S100A12: variants seen among roughly 807,000 people sequenced by gnomAD.
The protein encoded by S100A12 is S100 calcium binding protein A12.
S100A12 carries 3 observed loss-of-function variants against 4.0 expected under a neutral mutation model. The ratio of observed to expected loss-of-function variants is 0.75; its 90% CI spans 0.34 to 1.94. The LOEUF (loss-of-function observed/expected upper bound fraction) is 1.94, where lower values mean the gene tolerates loss of function less well. Among genes scored for constraint, S100A12 ranks in the 30% most tolerant of loss-of-function variants. The pLI, the probability that S100A12 is intolerant of heterozygous loss-of-function variation, is 0.07. For missense variants in S100A12, 122 were observed against 107.0 expected (o/e 1.14, Z -0.62); for synonymous variants, 50 against 41.4 (o/e 1.21, Z -0.79).
Position 153,373,950 on chromosome 1 carries a change from A to C in S100A12, c.156T>G (p.Ala52=). ...ANTIKNIKDK[A]VIDEIFQGLD... ...GGCCTTGGAATATTTCATCAATGAC[A>C]GCTTTATCTTTGATATTCTAGGAAA... is the stretch of plus-strand genomic sequence containing the variant. Residue 52 remains alanine (A), a synonymous_variant, in exon 3 of 3, where the codon GCT becomes GCG. Transcript: ENST00000368737. 2 of 1,613,800 alleles carry C rather than the reference A, an allele frequency of 1.2e-6. No individual in the cohort carries two copies. Among genetic ancestry groups the C allele is most frequent in the South Asian group, 2.2e-5 (2 of 91,072 alleles).
Position 153,374,544 on chromosome 1 carries a change from G to T in S100A12, c.49C>A (p.Gln17Lys), listed in dbSNP as rs751247214. The T allele has an allele frequency of 1.7e-5, 28 of 1,613,314 alleles. No individual in the cohort carries two copies. The South Asian group carries it at 2.5e-4, about 15-fold the overall frequency. ...HLEGIVNIFH[Q>K]YSVRKGHFDT... ...AAATGCCCCTTCCGAACTGAGTATT[G>T]GTGGAAGATATTGACAATTCCCTCC... is the stretch of plus-strand genomic sequence containing the variant. The change falls in exon 2 of 3, where the codon CAA (glutamine) becomes AAA (lysine). Residue 17 changes from glutamine to lysine, a missense_variant. Coordinates refer to ENST00000368737, the MANE Select transcript of S100A12 (RefSeq NM_005621.2).
Position 153,374,482 on chromosome 1 carries a change from A to C in S100A12, c.111T>G (p.Leu37=), listed in dbSNP as rs1661684874. The change falls in exon 2 of 3, where the codon CTT becomes CTG. Residue 37 remains leucine (L), a synonymous_variant. Coordinates refer to ENST00000368737, the MANE Select transcript of S100A12 (RefSeq NM_005621.2). ...TLSKGELKQL[L]TKELANTIKN... Reference sequence around the variant, plus strand: ...TGATGGTGTTTGCAAGCTCCTTTGTAAGCAGCTGCTTCAGCTCACCCTTAG... The same window carrying C: ...TGATGGTGTTTGCAAGCTCCTTTGTCAGCAGCTGCTTCAGCTCACCCTTAG... The C allele has an allele frequency of 1.9e-6, 3 of 1,613,884 alleles. No homozygotes were observed. Among genetic ancestry groups the C allele is most frequent in the African/African-American group, 1.3e-5 (1 of 74,906 alleles).
In S100A12 at chr1:153,373,932, G is replaced by A. The variant is rs777515393; in HGVS notation, c.174C>T (p.Phe58=). 5 of 1,613,226 alleles carry A rather than the reference G, an allele frequency of 3.1e-6. No individual in the cohort carries two copies. The African/African-American group carries it at 4.0e-5, about 13-fold the overall frequency. Residue 58 remains phenylalanine, a synonymous_variant, in exon 3 of 3, where the codon TTC becomes TTT. Coordinates refer to ENST00000368737, the MANE Select transcript of S100A12 (RefSeq NM_005621.2). Reference sequence around the variant, plus strand: ...CATCTTGATTAGCATCCAGGCCTTGGAATATTTCATCAATGACAGCTTTAT... The same window carrying A: ...CATCTTGATTAGCATCCAGGCCTTGAAATATTTCATCAATGACAGCTTTAT... ...IKDKAVIDEI[F]QGLDANQDEQ... is the part of the protein sequence containing the mutation.
In S100A12 at chr1:153,375,390, C is replaced by A. The variant is rs542171585; in HGVS notation, c.-21+162G>T. 1.1e-3 allele frequency among the ~76,000 whole-genome samples: 168 copies of A among 152,294 alleles called. 1 individual carries two copies. Among genetic ancestry groups the A allele is most frequent in the African/African-American group, 4.0e-3 (168 of 41,564 alleles). On this transcript the variant is annotated intron_variant, in intron 1 of 2. Transcript: ENST00000368737. ...ATCATGGGACTGAGTCTACATAGCA[C>A]AACAAGAGCTGATCTACTTGGGTCC...
chr1:153,373,931 G>A lies in S100A12; in HGVS notation c.175C>T (p.Gln59Ter), dbSNP rs371295686. ...TCATCTTGATTAGCATCCAGGCCTT[G>A]GAATATTTCATCAATGACAGCTTTA... The part of the protein sequence containing the change: ...KDKAVIDEIF[Q>*]GLDANQDEQV... Residue 59 changes from glutamine (Q) to a stop codon, truncating the protein, a stop_gained, in exon 3 of 3, where the codon CAA becomes TAA. Coordinates refer to ENST00000368737, the MANE Select transcript of S100A12 (RefSeq NM_005621.2). LOFTEE classifies it low-confidence loss of function (END_TRUNC). The A allele has an allele frequency of 3.7e-6, 6 of 1,613,246 alleles. No homozygotes were observed. The highest frequency in any genetic ancestry group is 5.1e-6 in the Non-Finnish European group (6 of 1,179,184).
intron 2 of S100A12, 50 bp from the exon 3 acceptor site, chr1:153,374,017 A>T: frequency 1.9e-6 from 3 of 1,584,812 alleles, no homozygotes; most frequent in South Asian, 2.2e-5. Context: ...TCCACACAAG[A>T]CCCTTTCTTA....
intron 1 of S100A12, among the ~76,000 whole-genome samples, chr1:153,375,055 G>A (rs1661699456): frequency 6.6e-6 from 1 of 151,882 alleles, no homozygotes; most frequent in South Asian, 2.1e-4. Context: ...TTGTTTGTTT[G>A]TTTGTTTTTG....
intron 1 of S100A12, among the ~76,000 whole-genome samples, chr1:153,375,139 C>T (rs973345004): frequency 6.6e-6 from 1 of 152,164 alleles, no homozygotes; most frequent in Admixed American, 6.5e-5. Flanking sequence ...TTCTGCCTCC[C>T]GGGTTCACGC....
At position 153,373,987 on chromosome 1, in the gene S100A12, G is replaced by A. The variant is rs766347947; in HGVS notation, c.139-20C>T. ...GATATTCTAGGAAAAAAGGACAACA[G>A]AGACCTTGAGTTCAGAACCTCCACA... On this transcript the variant is annotated intron_variant, in intron 2 of 2. Transcript: ENST00000368737. 6 of 1,612,824 alleles carry A rather than the reference G, an allele frequency of 3.7e-6. No homozygotes were observed. Among genetic ancestry groups the A allele is most frequent in the Non-Finnish European group, 5.1e-6 (6 of 1,178,886 alleles).
At chr1:153,374,734 G>A in intron 1 of S100A12, 122 bp from the exon 2 acceptor site, 1 of 680,836 alleles carries the variant, frequency 1.5e-6, no homozygotes, top group African/African-American at 1.8e-5. Flanking sequence ...CTATTTTGTG[G>A]TCTCTGCTCT....
chr1:153,373,735 C>G lies in S100A12; in HGVS notation c.*92G>C. 3 of 1,096,496 alleles carry G rather than the reference C, an allele frequency of 2.7e-6. No individual in the cohort carries two copies. In the South Asian group the frequency reaches 4.1e-5, roughly 15 times the overall value. The allele number at this position is 1,096,496 out of a possible 1,614,324, so 67.9% of individuals were successfully genotyped here. ...CTTTTCGTGAGTGTGTTTATTAACT[C>G]TTACTCCCCACGGGCAAGGCTGGGT... On this transcript the variant is annotated 3_prime_UTR_variant, in exon 3 of 3. Coordinates refer to ENST00000368737, the MANE Select transcript of S100A12 (RefSeq NM_005621.2).
At position 153,374,643 on chromosome 1, in the gene S100A12, G is replaced by A. The variant is rs1032481990; in HGVS notation, c.-20-31C>T. Reference sequence around the variant, plus strand: ...AGGAAACAAGGGAAGTCTAGAGGCAGTTTCTCCCCCACCCCTCAACCTCCA... The same window carrying A: ...AGGAAACAAGGGAAGTCTAGAGGCAATTTCTCCCCCACCCCTCAACCTCCA... On this transcript the variant is annotated intron_variant, in intron 1 of 2. Coordinates refer to ENST00000368737, the MANE Select transcript of S100A12 (RefSeq NM_005621.2). 5 of 1,531,722 alleles carry A rather than the reference G, an allele frequency of 3.3e-6. No homozygotes were observed. In the African/African-American group the frequency reaches 5.5e-5, roughly 17 times the overall value. 94.9% of individuals were successfully genotyped at this position (1,531,722 alleles called of 1,614,324 possible).
At chr1:153,374,379 C>T in intron 2 of S100A12, 76 bp downstream of exon 2, 1 of 1,468,378 alleles carries the variant, frequency 6.8e-7, no homozygotes, top group Non-Finnish European at 9.2e-7. Context: ...CTTGTCCCAC[C>T]ATCCTCTGCC....
At chr1:153,375,050 T>C (rs575581656) in intron 1 of S100A12, among the ~76,000 whole-genome samples, 1 of 152,070 alleles carries the variant, frequency 6.6e-6, no homozygotes, top group East Asian at 1.9e-4. Flanking sequence ...TTTGTTTGTT[T>C]GTTTGTTTGT....
chr1:153,374,318 C>T (rs750347459), intron 2 of S100A12, 137 bp downstream of exon 2: 96 of 758,504 alleles, frequency 1.3e-4, no homozygotes, highest in Non-Finnish European at 1.7e-4. Flanking sequence ...CCCACAGCAG[C>T]GGGGAGAGCA....
At chr1:153,374,736 C>T (rs890340309) in intron 1 of S100A12, 124 bp from the exon 2 acceptor site, 2 of 674,054 alleles carry the variant, frequency 3.0e-6, no homozygotes, top group Admixed American at 5.3e-5. Flanking sequence ...ATTTTGTGGT[C>T]TCTGCTCTGT....
intron 1 of S100A12, among the ~76,000 whole-genome samples, chr1:153,375,122 C>T (rs1402916320): frequency 6.6e-6 from 1 of 152,228 alleles, no homozygotes; most frequent in Non-Finnish European, 1.5e-5. Flanking sequence ...TCTCGGCTCA[C>T]TGCAAGTTCT....
At position 153,373,902 on chromosome 1, in the gene S100A12, C is replaced by T. The variant is rs202039138; in HGVS notation, c.204G>A (p.Gln68=). Residue 68 remains glutamine (Q), a synonymous_variant, in exon 3 of 3, where the codon CAG becomes CAA. Transcript: ENST00000368737. The part of the protein sequence containing the change: ...FQGLDANQDE[Q]VDFQEFISLV... ...GGGATATGAATTCTTGAAAGTCGAC[C>T]TGTTCATCTTGATTAGCATCCAGGC... The T allele has an allele frequency of 1.4e-5, 23 of 1,612,616 alleles. No homozygotes were observed. The African/African-American group carries it at 2.0e-4, about 14-fold the overall frequency.
chr1:153,375,181 G>C (rs974641710), intron 1 of S100A12, among the ~76,000 whole-genome samples: 8 of 152,048 alleles, frequency 5.3e-5, no homozygotes, highest in Non-Finnish European at 1.0e-4. Flanking sequence ...CGAGTAGCTG[G>C]GACTACAGGC....
Sources: gnomAD v4.1 joint callset for allele counts (sites outside exome capture counted in the v4.1 genomes callset) on GRCh38, gnomAD v4.1.1 for gene constraint, MANE v1.5 for transcripts, NCBI Gene and HGNC (gene_info 2026-07-23, HGNC 2026-07-21) for gene names.